Variants in TYK2 observed in about 807,000 individuals in gnomAD.
TYK2 encodes tyrosine kinase 2.
TYK2 carries 65 observed loss-of-function variants against 130.9 expected under a neutral mutation model. That is an observed-to-expected ratio of 0.50 (90% CI 0.41 to 0.61). The LOEUF (loss-of-function observed/expected upper bound fraction) is 0.61. TYK2 is among the 20% of genes least tolerant of loss of function. The probability of loss-of-function intolerance (pLI) is 0.00; values close to 1 mark genes in which losing one functional copy is unlikely to be tolerated. For missense variants in TYK2, 1,378 were observed against 1,610.7 expected (o/e 0.86, Z 2.47); for synonymous variants, 647 against 658.9 (o/e 0.98, Z 0.28).
intron 3 of TYK2, among the ~76,000 whole-genome samples, chr19:10,372,512 C>T (rs1352525780): frequency 1.7e-5 from 1 of 57,436 alleles, no homozygotes; most frequent in African/African-American, 8.2e-5. Context: ...TTTTTTGAGA[C>T]AGCATCTTGC....
At chr19:10,355,030 T>TAA (rs1195086102) in intron 18 of TYK2, among the ~76,000 whole-genome samples, 5 of 131,482 alleles carry the variant, frequency 3.8e-5, no homozygotes, top group Non-Finnish European at 5.0e-5. Flanking sequence ...ACACTGTCTT[T>TAA]AAAAAAAAAA....
Position 10,362,304 on chromosome 19 carries a change from G to A in TYK2, c.1629C>T (p.Asp543=). 1 of 1,614,178 alleles carries A rather than the reference G, an allele frequency of 6.2e-7. No homozygotes were observed. The highest frequency in any genetic ancestry group is 8.5e-7 in the Non-Finnish European group (1 of 1,180,022). ...GGCAACAGCGACGCAGAGAGAAGCA[G>A]TCATCCCCGGCCCTCAGCAAGCAGC... ...LQGCLLRAGD[D]CFSLRRCCLP... Residue 543 remains aspartate (D), a synonymous_variant, in exon 11 of 25, where the codon GAC becomes GAT. Coordinates refer to ENST00000525621, the MANE Select transcript of TYK2 (RefSeq NM_003331.5).
chr19:10,362,141 G>A lies in TYK2; in HGVS notation c.1710C>T (p.Ser570=), dbSNP rs1306382600. The A allele has an allele frequency of 6.2e-7, 1 of 1,614,038 alleles. No homozygotes were observed. The highest frequency in any genetic ancestry group is 1.3e-5 in the African/African-American group (1 of 75,058). Residue 570 remains serine (S), a synonymous_variant, in exon 12 of 25, where the codon AGC becomes AGT. Coordinates refer to ENST00000525621, the MANE Select transcript of TYK2 (RefSeq NM_003331.5). ...GCTGGCTGAGGTTGAGTGTCCTGGG[G>A]CTGGCCCGAGCCCCCCGCATGATGA... is the stretch of plus-strand genomic sequence containing the variant. The part of the protein sequence containing the change: ...NLIIMRGARA[S]PRTLNLSQLS...
intron 16 of TYK2, 22 bp downstream of exon 16, chr19:10,357,981 C>T: frequency 7.4e-6 from 12 of 1,613,496 alleles, no homozygotes; most frequent in Non-Finnish European, 1.0e-5. Context: ...CCCACTGTGC[C>T]CAGGTCCCCT....
At position 10,356,585 on chromosome 19, in the gene TYK2, G is replaced by A. The variant is rs979791609; in HGVS notation, c.2600C>T (p.Thr867Ile). ...GAGCTCACTGTGGGGCTGCAGCCGG[G>A]TGAGGTCACGCAGGATGGTGCGGAA... ...PSFRTILRDL[T>I]RLQPHNLADV... is the part of the protein sequence containing the mutation. The change falls in exon 18 of 25, where the codon ACC (threonine) becomes ATC (isoleucine). Residue 867 changes from threonine (T) to isoleucine (I), a missense_variant. By Grantham distance (89) the Thr-to-Ile change is moderately conservative. Coordinates refer to ENST00000525621, the MANE Select transcript of TYK2 (RefSeq NM_003331.5). 1 of 1,613,544 alleles carries A rather than the reference G, an allele frequency of 6.2e-7. No homozygotes were observed. The highest frequency in any genetic ancestry group is 8.5e-7 in the Non-Finnish European group (1 of 1,180,000).
intron 3 of TYK2, 136 bp downstream of exon 3, chr19:10,378,078 G>A (rs150254715): frequency 2.3e-6 from 2 of 867,074 alleles, no homozygotes; most frequent in Admixed American, 2.2e-5. Flanking sequence ...GGGTGGATGG[G>A]TGGATGGATG....
chr19:10,373,068 C>T (rs1337868130), intron 3 of TYK2, among the ~76,000 whole-genome samples: 1 of 146,070 alleles, frequency 6.8e-6, no homozygotes, highest in East Asian at 2.0e-4. Context: ...AGAGTTTTTG[C>T]TCTTGTTGCC....
chr19:10,373,297 C>T (rs902121187), intron 3 of TYK2, among the ~76,000 whole-genome samples: 7 of 151,944 alleles, frequency 4.6e-5, no homozygotes, highest in African/African-American at 1.7e-4. Flanking sequence ...CTTGGCCTCC[C>T]TAAGCGCAAG....
chr19:10,363,247 C>T (rs182964885), intron 9 of TYK2, among the ~76,000 whole-genome samples: 6 of 147,330 alleles, frequency 4.1e-5, no homozygotes, highest in East Asian at 2.0e-4. Context: ...TGGAGTGCAG[C>T]GGTGCAATCT....
chr19:10,361,591 T>C lies in TYK2; in HGVS notation c.1967A>G (p.Tyr656Cys). Residue 656 changes from tyrosine to cysteine, a missense_variant, in exon 14 of 25, where the codon TAC (tyrosine) becomes TGC (cysteine). Transcript: ENST00000525621. This position sits in a 1 kb window ranked among gnomAD's most constrained non-coding sequence, Gnocchi z 4.0. Reference sequence around the variant, plus strand: ...CTGGCTCATGAGGCTGGCTGTCTCGTAGAAGGCCTGTGGGGACCGGGCAGG... The same window carrying C: ...CTGGCTCATGAGGCTGGCTGTCTCGCAGAAGGCCTGTGGGGACCGGGCAGG... ...PSHHDIALAF[Y>C]ETASLMSQVS... 1 of 1,549,168 alleles carries C rather than the reference T, an allele frequency of 6.5e-7. No homozygotes were observed.
chr19:10,364,875 G>A lies in TYK2; in HGVS notation c.1185C>T (p.Ile395=). 6.2e-7 allele frequency: 1 copy of A among 1,614,166 alleles called. No individual in the cohort carries two copies. Residue 395 remains isoleucine, a synonymous_variant, in exon 8 of 25, where the codon ATC becomes ATT. Transcript: ENST00000525621. This position sits in a 1 kb window ranked among gnomAD's most constrained non-coding sequence, Gnocchi z 4.9. ...HVVLKEHCVS[I]HRQDNKCLEL... ...CCAGGCACTTGTTGTCCTGCCGGTG[G>A]ATGCTGACACAGTGCTCTTTCAGCA...
At chr19:10,377,498 A>G (rs1265251629) in intron 3 of TYK2, among the ~76,000 whole-genome samples, 123 of 21,672 alleles carry the variant, frequency 5.7e-3, no homozygotes, top group South Asian at 0.01. Context: ...ATGCATGGAT[A>G]GGTGGGTGAG....
At chr19:10,351,009 A>C (rs1568324363) in intron 24 of TYK2, 41 bp from the exon 25 acceptor site, 1 of 1,614,180 alleles carries the variant, frequency 6.2e-7, no homozygotes, top group Admixed American at 1.7e-5. Context: ...TGCCCTCTCC[A>C]CAGCAGGATA....
In TYK2 at chr19:10,362,155, C is replaced by T. The variant is rs1269197445; in HGVS notation, c.1696G>A (p.Gly566Arg). 1 of 1,614,032 alleles carries T rather than the reference C, an allele frequency of 6.2e-7. No individual in the cohort carries two copies. Among genetic ancestry groups the T allele is most frequent in the Non-Finnish European group, 8.5e-7 (1 of 1,180,002 alleles). ...AGTGTCCTGGGGCTGGCCCGAGCCC[C>T]CCGCATGATGATGAGATTGGAGGTT... ...GETSNLIIMRGARASPRTLNL... is the reference protein window; with the variant it reads ...GETSNLIIMRRARASPRTLNL... The change falls in exon 12 of 25, where the codon GGG becomes AGG. Residue 566 changes from glycine (G) to arginine (R), a missense_variant. Physicochemically the swap from Gly to Arg is moderately radical, Grantham distance 125. Transcript: ENST00000525621.
At chr19:10,380,248 C>G (rs949042492) in intron 1 of TYK2, 132 bp downstream of exon 1, 13 of 152,534 alleles carry the variant, frequency 8.5e-5, no homozygotes, top group African/African-American at 3.1e-4. Flanking sequence ...CTCGTCCCCA[C>G]TGGACCCAGA....
chr19:10,352,838 C>T (rs2145143062), intron 22 of TYK2, 88 bp downstream of exon 22: 2 of 1,457,834 alleles, frequency 1.4e-6, no homozygotes, highest in Non-Finnish European at 1.8e-6. Flanking sequence ...GGGATCATGC[C>T]CTATCATGAT....
intron 3 of TYK2, among the ~76,000 whole-genome samples, chr19:10,374,586 A>G (rs1321279293): frequency 7.1e-5 from 7 of 99,016 alleles, no homozygotes; most frequent in Non-Finnish European, 8.5e-5. Context: ...CTCCGTCTCA[A>G]AAAAAAAAAA....
chr19:10,353,881 A>T lies in TYK2; in HGVS notation c.2908+161T>A, dbSNP rs1180357564. ...AGGTAGCACCCCCCAGATGGGAAGG[A>T]GGCAGCCCAGCCACGCTCACCCAGA... On this transcript the variant is annotated intron_variant, in intron 20 of 24. Coordinates refer to ENST00000525621, the MANE Select transcript of TYK2 (RefSeq NM_003331.5). This position sits in a 1 kb window ranked among gnomAD's most constrained non-coding sequence, Gnocchi z 6.9. 1.2e-6 allele frequency: 1 copy of T among 817,822 alleles called. No homozygotes were observed. Among genetic ancestry groups the T allele is most frequent in the Non-Finnish European group, 2.0e-6 (1 of 510,870 alleles). The allele number at this position is 817,822 out of a possible 1,614,324, so 50.7% of individuals were successfully genotyped here. A position where few individuals can be genotyped will look rare whatever the true frequency, so the allele number is the denominator to read the frequency against.
chr19:10,374,654 G>A (rs953771736), intron 3 of TYK2, among the ~76,000 whole-genome samples: 2 of 149,360 alleles, frequency 1.3e-5, no homozygotes, highest in Admixed American at 6.7e-5. Context: ...TTGAGAGGCC[G>A]AGGCAGGGGG....
Sources: gnomAD v4.1 joint callset for allele counts (sites outside exome capture counted in the v4.1 genomes callset) on GRCh38, gnomAD v4.1.1 for gene constraint, Gnocchi (gnomAD v3.1) non-coding constraint, MANE v1.5 for transcripts, NCBI Gene and HGNC (gene_info 2026-07-23, HGNC 2026-07-21) for gene names.